Variants in GLRA3 observed in about 807,000 individuals in gnomAD.
The protein encoded by GLRA3 is glycine receptor alpha 3.
A neutral mutation model predicts 60.4 loss-of-function variants in GLRA3; 44 were observed. The observed-to-expected ratio is 0.73, with a 90% confidence interval of 0.57 to 0.94. The LOEUF (loss-of-function observed/expected upper bound fraction) is 0.94. Ranked by LOEUF, GLRA3 falls within the 40% of genes least tolerant of loss-of-function variation. GLRA3 has a pLI of 0.00. For synonymous variants in GLRA3, 223 were observed against 192.9 expected, an observed-to-expected ratio of 1.16 and a Z score of -1.29; for missense variants, 508 against 564.6, an observed-to-expected ratio of 0.90 and a Z score of 1.02.
chr4:174,726,874 T>C lies in GLRA3; in HGVS notation c.491+1601A>G, dbSNP rs377478972. ...GGTTGGGGGAGGGGTGGACTTTTGG[T>C]AATTTTTTTAAAAGGTGCAAAATTA... On this transcript the variant is annotated intron_variant, in intron 4 of 9. Coordinates refer to ENST00000274093, the MANE Select transcript of GLRA3 (RefSeq NM_006529.4). Among the ~76,000 whole-genome samples, 306 of 152,282 alleles carry C rather than the reference T, an allele frequency of 2.0e-3. 3 individuals carry two copies. Among genetic ancestry groups the C allele is most frequent in the East Asian group, 0.02 (102 of 5,180 alleles).
intron 1 of GLRA3, among the ~76,000 whole-genome samples, chr4:174,798,650 C>A (rs180943061): frequency 2.0e-5 from 3 of 152,146 alleles, no homozygotes; most frequent in Non-Finnish European, 4.4e-5. Flanking sequence ...TAAGGCTGGG[C>A]GCGGTGGCTC....
intron 2 of GLRA3, among the ~76,000 whole-genome samples, chr4:174,770,126 C>G (rs1161244905): frequency 6.6e-6 from 1 of 152,068 alleles, no homozygotes; most frequent in Non-Finnish European, 1.5e-5. Context: ...TCAACCTATT[C>G]TCTAGATGGC....
intron 2 of GLRA3, among the ~76,000 whole-genome samples, chr4:174,783,119 A>G (rs1738959250): frequency 6.6e-6 from 1 of 152,142 alleles, no homozygotes; most frequent in Non-Finnish European, 1.5e-5. Flanking sequence ...ACCAAAACAG[A>G]GATATAGATC....
At chr4:174,668,354 T>C (rs569759372) in intron 7 of GLRA3, among the ~76,000 whole-genome samples, 1 of 152,304 alleles carries the variant, frequency 6.6e-6, no homozygotes, top group African/African-American at 2.4e-5. Context: ...CACGAACTTT[T>C]GATAGGATTA....
rs1224077799 is a variant in GLRA3, at chr4:174,728,672, A to G, written c.294T>C (p.Arg98=). 1.9e-6 allele frequency: 3 copies of G among 1,600,914 alleles called. No individual in the cohort carries two copies. The South Asian group carries it at 3.3e-5, about 18-fold the overall frequency. Residue 98 remains arginine (R), a synonymous_variant, in exon 4 of 10, where the codon CGT becomes CGC. Coordinates refer to ENST00000274093, the MANE Select transcript of GLRA3 (RefSeq NM_006529.4). ...CGAGGCGGGGATCATTCCATTTCTG[A>G]CGAAGAAAGATATTCACTCTGTAAT... ...TMDYRVNIFL[R]QKWNDPRLAY...
chr4:174,787,662 A>G (rs997359294), intron 2 of GLRA3, among the ~76,000 whole-genome samples: 1 of 149,556 alleles, frequency 6.7e-6, no homozygotes, highest in Non-Finnish European at 1.5e-5. Flanking sequence ...AAGCTGTACT[A>G]TTTTTGTTTC....
chr4:174,828,777 G>T lies in GLRA3; in HGVS notation c.35C>A (p.Ser12Ter), dbSNP rs997896587. ...TGCTGCTTCCCAGAAGTAAAATCCC[G>T]AAACTAATGTCCGAAAGTGTCTCAC... ...AHVRHFRTLV[S>*]GFYFWEAALL... Residue 12 changes from serine to a stop codon, truncating the protein, a stop_gained, in exon 1 of 10, where the codon TCG becomes TAG. Transcript: ENST00000274093. LOFTEE classifies it high-confidence loss of function. The T allele has an allele frequency of 6.2e-7, 1 of 1,612,246 alleles. No individual in the cohort carries two copies. Among genetic ancestry groups the T allele is most frequent in the Non-Finnish European group, 8.5e-7 (1 of 1,178,300 alleles).
intron 2 of GLRA3, among the ~76,000 whole-genome samples, chr4:174,767,533 G>A (rs1213003638): frequency 6.6e-6 from 1 of 152,062 alleles, no homozygotes; most frequent in Non-Finnish European, 1.5e-5. Flanking sequence ...GTTCTTTAGT[G>A]ACTTACCTGG....
chr4:174,708,465 T>C (rs1735592655), intron 5 of GLRA3, among the ~76,000 whole-genome samples: 1 of 152,026 alleles, frequency 6.6e-6, no homozygotes, highest in Non-Finnish European at 1.5e-5. Flanking sequence ...TGTTAATTTT[T>C]TTTTTCAAGT....
At chr4:174,815,112 A>G (rs1740431672) in intron 1 of GLRA3, among the ~76,000 whole-genome samples, 1 of 152,192 alleles carries the variant, frequency 6.6e-6, no homozygotes, top group Non-Finnish European at 1.5e-5. Context: ...ATTGAGCAAA[A>G]CAAAAAGGCT....
At chr4:174,644,110 C>A in intron 9 of GLRA3, 46 bp from the exon 10 acceptor site, 1 of 1,065,336 alleles carries the variant, frequency 9.4e-7, no homozygotes, top group Admixed American at 2.1e-5. Flanking sequence ...TACAATAGAG[C>A]ATGTATAACA....
At chr4:174,759,685 A>G (rs990441944) in intron 3 of GLRA3, among the ~76,000 whole-genome samples, 1 of 152,176 alleles carries the variant, frequency 6.6e-6, no homozygotes, top group Admixed American at 6.5e-5. Flanking sequence ...TATAAACTGT[A>G]CTAAACAAGA....
intron 7 of GLRA3, among the ~76,000 whole-genome samples, chr4:174,665,702 T>C (rs186600704): frequency 5.9e-5 from 9 of 152,294 alleles, no homozygotes; most frequent in South Asian, 2.1e-4. Flanking sequence ...TATCCACTTA[T>C]GTATCTTCTG....
At chr4:174,806,972 A>G (rs1579639213) in intron 1 of GLRA3, among the ~76,000 whole-genome samples, 1 of 152,078 alleles carries the variant, frequency 6.6e-6, no homozygotes, top group East Asian at 1.9e-4. Context: ...AGAAACAGAA[A>G]ATAAACAAAA....
chr4:174,701,883 A>G (rs866692619), intron 5 of GLRA3, among the ~76,000 whole-genome samples: 42 of 152,342 alleles, frequency 2.8e-4, no homozygotes, highest in Non-Finnish European at 1.8e-4. Flanking sequence ...TGAACAGATA[A>G]GGAGTTGCTT....
intron 1 of GLRA3, among the ~76,000 whole-genome samples, chr4:174,805,928 A>G (rs962446377): frequency 6.6e-6 from 1 of 152,102 alleles, no homozygotes; most frequent in Non-Finnish European, 1.5e-5. Flanking sequence ...AGCAATAAAA[A>G]CACCCTTGAT....
chr4:174,794,754 G>A (rs534725353), intron 1 of GLRA3, among the ~76,000 whole-genome samples: 3 of 152,188 alleles, frequency 2.0e-5, no homozygotes, highest in Admixed American at 1.3e-4. Context: ...TGCAATAACT[G>A]CTTTCCTGAA....
chr4:174,665,228 T>A (rs1393701893), intron 7 of GLRA3, among the ~76,000 whole-genome samples: 1 of 122,066 alleles, frequency 8.2e-6, no homozygotes, highest in Non-Finnish European at 1.7e-5. Context: ...CTCAGCTGCT[T>A]TGTATTTACT....
chr4:174,810,533 T>C (rs993070468), intron 1 of GLRA3, among the ~76,000 whole-genome samples: 9 of 152,024 alleles, frequency 5.9e-5, no homozygotes, highest in Non-Finnish European at 1.0e-4. Context: ...TTAAATGATT[T>C]CAGTCATTAT....
Sources: gnomAD v4.1 joint callset for allele counts (sites outside exome capture counted in the v4.1 genomes callset) on GRCh38, gnomAD v4.1.1 for gene constraint, MANE v1.5 for transcripts, NCBI Gene and HGNC (gene_info 2026-07-23, HGNC 2026-07-21) for gene names.